The following TXNDC11 variants were observed in gnomAD, a reference collection of about 807,000 sequenced individuals.
TXNDC11 encodes thioredoxin domain containing 11.
TXNDC11 carries 68 observed loss-of-function variants against 78.0 expected under a neutral mutation model. The observed-to-expected ratio is 0.87, with a 90% CI of 0.72 to 1.07. The LOEUF (loss-of-function observed/expected upper bound fraction) is 1.07. Among genes scored for constraint, TXNDC11 ranks in the 50% least tolerant of loss-of-function variants. The pLI is 0.00. For missense variants in TXNDC11, 1,389 were observed against 1,221.8 expected (o/e 1.14, Z -2.04); for synonymous variants, 571 against 495.2 (o/e 1.15, Z -2.03).
intron 5 of TXNDC11, among the ~76,000 whole-genome samples, chr16:11,701,242 T>C (rs900582615): frequency 6.9e-6 from 1 of 145,914 alleles, no homozygotes; most frequent in South Asian, 2.3e-4. Flanking sequence ...GCTCAAGCAA[T>C]TCTCCTGCTT....
chr16:11,734,676 A>G (rs2052168171), intron 2 of TXNDC11, among the ~76,000 whole-genome samples: 1 of 152,252 alleles, frequency 6.6e-6, no homozygotes, highest in Admixed American at 6.5e-5. Flanking sequence ...ACTTATTAAT[A>G]AAACACAATA....
intron 7 of TXNDC11, 121 bp downstream of exon 7, chr16:11,698,004 C>T (rs535242790): frequency 3.0e-5 from 28 of 924,832 alleles, no homozygotes; most frequent in Middle Eastern, 2.7e-4. Flanking sequence ...CTCAGAGCCA[C>T]AGCTGCCCCT....
intron 4 of TXNDC11, among the ~76,000 whole-genome samples, chr16:11,721,976 T>C (rs999371155): frequency 6.6e-6 from 1 of 152,210 alleles, no homozygotes; most frequent in Admixed American, 6.5e-5. Flanking sequence ...CACACCCTGT[T>C]TGTTGACAGT....
chr16:11,736,203 C>T lies in TXNDC11; in HGVS notation c.285G>A (p.Lys95=), dbSNP rs2052215844. 6.2e-7 allele frequency: 1 copy of T among 1,613,018 alleles called. No homozygotes were observed. Among genetic ancestry groups the T allele is most frequent in the African/African-American group, 1.3e-5 (1 of 74,912 alleles). ...SRAKDVIIPA[K]PPVSFFSLRS... ...TCAAGGAGAAAAAGCTGACAGGTGG[C>T]TTTGCTGGTATTATCACATCTTTTG... The change falls in exon 2 of 12, where the codon AAG becomes AAA. Residue 95 remains lysine, a synonymous_variant. Transcript: ENST00000283033.
At chr16:11,738,128 C>A (rs962284214) in intron 1 of TXNDC11, among the ~76,000 whole-genome samples, 8 of 152,162 alleles carry the variant, frequency 5.3e-5, no homozygotes, top group African/African-American at 1.7e-4. Context: ...AAAACCTATT[C>A]ATATGTACTA....
At chr16:11,721,475 G>T (rs923681682) in intron 5 of TXNDC11, 102 bp downstream of exon 5, 1 of 641,090 alleles carries the variant, frequency 1.6e-6, no homozygotes, top group Non-Finnish European at 2.6e-6. Context: ...GTTGAGAAAA[G>T]GAATCAAGCA....
At chr16:11,690,534 G>A (rs1227405233) in intron 8 of TXNDC11, among the ~76,000 whole-genome samples, 1 of 152,120 alleles carries the variant, frequency 6.6e-6, no homozygotes, top group Non-Finnish European at 1.5e-5. Context: ...GGGAGGCAAG[G>A]CGGCTCTACT....
At chr16:11,700,087 G>A (rs938741090) in intron 6 of TXNDC11, among the ~76,000 whole-genome samples, 1 of 152,178 alleles carries the variant, frequency 6.6e-6, no homozygotes, top group Admixed American at 6.5e-5. Context: ...AAAAGAAACA[G>A]ATAAACACAG....
rs369419869 is a variant in TXNDC11 at position 11,696,086 on chromosome 16, G to A, written c.1107+2039C>T. ...ACTATGGTTAATCTTGAAATCCTCAGAGAAGTCCACAAGGCCCTCTCCTCC... is the reference window on the plus strand; with the variant it reads ...ACTATGGTTAATCTTGAAATCCTCAAAGAAGTCCACAAGGCCCTCTCCTCC... On this transcript the variant is annotated intron_variant, in intron 7 of 11. Transcript: ENST00000283033. 1.6e-4 allele frequency among the ~76,000 whole-genome samples: 24 copies of A among 150,988 alleles called. No individual in the cohort carries two copies. In the East Asian group the frequency reaches 4.5e-3, roughly 28 times the overall value.
intron 11 of TXNDC11, among the ~76,000 whole-genome samples, chr16:11,681,652 G>A (rs1172423190): frequency 6.6e-6 from 1 of 152,158 alleles, no homozygotes; most frequent in African/African-American, 2.4e-5. Flanking sequence ...GTCTCTTGGT[G>A]GACAGGAGCA....
chr16:11,720,053 G>A (rs1258170225), intron 5 of TXNDC11, among the ~76,000 whole-genome samples: 1 of 152,158 alleles, frequency 6.6e-6, no homozygotes, highest in African/African-American at 2.4e-5. Flanking sequence ...GCGCAGACTG[G>A]AGTGGTAACA....
chr16:11,699,804 G>A (rs1275631827), intron 6 of TXNDC11, among the ~76,000 whole-genome samples: 1 of 152,244 alleles, frequency 6.6e-6, no homozygotes, highest in Non-Finnish European at 1.5e-5. Flanking sequence ...GAGAGAGACA[G>A]AATACTTCAG....
In TXNDC11 at chr16:11,742,627, G is replaced by C. The variant is rs534277277; in HGVS notation, c.104C>G (p.Ser35Trp). The C allele has an allele frequency of 2.4e-4, 351 of 1,459,788 alleles. 1 individual carries two copies. The African/African-American group carries it at 4.6e-3, about 19-fold the overall frequency. 90.4% of individuals were successfully genotyped at this position (1,459,788 alleles called of 1,614,324 possible). A position where few individuals can be genotyped will look rare whatever the true frequency, so the allele number is the denominator to read the frequency against. Reference sequence around the variant, plus strand: ...GGACGCTGTGGCCAGGGTCGGGCTCGAGCTGAGGCAGTCTGAGCCCGCGGG... The same window carrying C: ...GGACGCTGTGGCCAGGGTCGGGCTCCAGCTGAGGCAGTCTGAGCCCGCGGG... Reference protein sequence around the residue: ...GGPAGSDCLSSSPTLATASSA... With the variant: ...GGPAGSDCLSWSPTLATASSA... Residue 35 changes from serine (S) to tryptophan (W), a missense_variant, in exon 1 of 12, where the codon TCG becomes TGG. Physicochemically the swap from Ser to Trp is radical, Grantham distance 177. Transcript: ENST00000283033.
At chr16:11,704,977 C>T (rs922172364) in intron 5 of TXNDC11, among the ~76,000 whole-genome samples, 2 of 151,618 alleles carry the variant, frequency 1.3e-5, no homozygotes, top group African/African-American at 4.8e-5. Flanking sequence ...TGGTGCATCT[C>T]GGCTCACTGC....
In TXNDC11 at chr16:11,700,470, T is replaced by C. The variant is rs748724955; in HGVS notation, c.888A>G (p.Arg296=). ...LVHSGSVYLH[R]HFNTSLVFPR... Reference sequence around the variant, plus strand: ...TACTTACAAGTGATGTGTTGAAATGTCTATGTAAATACACACTTCCAGAGT... The same window carrying C: ...TACTTACAAGTGATGTGTTGAAATGCCTATGTAAATACACACTTCCAGAGT... The change falls in exon 6 of 12, where the codon AGA becomes AGG. Residue 296 remains arginine (R), a synonymous_variant. Transcript: ENST00000283033. 1 of 1,550,318 alleles carries C rather than the reference T, an allele frequency of 6.5e-7. No homozygotes were observed. Among genetic ancestry groups the C allele is most frequent in the Non-Finnish European group, 8.9e-7 (1 of 1,125,860 alleles).
chr16:11,733,944 T>G lies in TXNDC11; in HGVS notation c.569+38A>C, dbSNP rs556562073. On this transcript the variant is annotated intron_variant, in intron 3 of 11. Transcript: ENST00000283033. ...AAAATTCATTTATAAACTGGCAAAC[T>G]AAACTGGAATGAGAGACGCTATTTA... The G allele has an allele frequency of 1.0e-5, 15 of 1,459,100 alleles. 1 individual carries two copies. Among genetic ancestry groups the G allele is most frequent in the Middle Eastern group, 4.0e-4 (2 of 5,050 alleles). The allele number at this position is 1,459,100 out of a possible 1,614,324, so 90.4% of individuals were successfully genotyped here.
Position 11,700,493 on chromosome 16 carries a change from A to C in TXNDC11, c.865T>G (p.Ser289Ala). 1 of 1,591,988 alleles carries C rather than the reference A, an allele frequency of 6.3e-7. No individual in the cohort carries two copies. The highest frequency in any genetic ancestry group is 1.1e-5 in the South Asian group (1 of 90,062). Residue 289 changes from serine to alanine, a missense_variant, in exon 6 of 12, where the codon TCT becomes GCT. Ser to Ala is a moderately conservative substitution (Grantham distance 99). Coordinates refer to ENST00000283033, the MANE Select transcript of TXNDC11 (RefSeq NM_015914.7). ...HLAKLVSLVHSGSVYLHRHFN... is the reference protein window; with the variant it reads ...HLAKLVSLVHAGSVYLHRHFN... ...TGTCTATGTAAATACACACTTCCAGAGTGTACTAAGGATACCAGTTTCGCA... is the reference window on the plus strand; with the variant it reads ...TGTCTATGTAAATACACACTTCCAGCGTGTACTAAGGATACCAGTTTCGCA...
chr16:11,706,515 G>C (rs945457246), intron 5 of TXNDC11, among the ~76,000 whole-genome samples: 3 of 152,224 alleles, frequency 2.0e-5, no homozygotes, highest in African/African-American at 7.2e-5. Flanking sequence ...GCTGTGCTTT[G>C]AGCAGAAATG....
chr16:11,684,112 G>A (rs1350918686), intron 11 of TXNDC11, 53 bp downstream of exon 11: 3 of 1,239,348 alleles, frequency 2.4e-6, no homozygotes, highest in Non-Finnish European at 3.6e-6. Context: ...TTCATTTTCA[G>A]ACCTCCACAA....
Sources: allele counts gnomAD v4.1 joint callset (sites outside exome capture counted in the v4.1 genomes callset), GRCh38; gene constraint gnomAD v4.1.1; transcripts MANE v1.5; gene names NCBI Gene and HGNC (gene_info 2026-07-23, HGNC 2026-07-21).